ACMSD: variants seen among roughly 807,000 people sequenced by gnomAD.
The protein encoded by ACMSD is 2-amino-3-carboxymuconate-6-semialdehyde decarboxylase.
In ACMSD, 37 loss-of-function variants were observed where a neutral mutation model predicts 45.9. The observed-to-expected ratio is 0.81, with a 90% confidence interval of 0.62 to 1.06. ACMSD has a LOEUF of 1.06. ACMSD is among the 50% of genes least tolerant of loss of function. ACMSD has a pLI of 0.00. For synonymous variants in ACMSD, 138 were observed against 148.8 expected (o/e 0.93, Z 0.53); for missense variants, 434 against 420.9 (o/e 1.03, Z -0.27).
chr2:134,846,398 G>T (rs1366113681), intron 2 of ACMSD, among the ~76,000 whole-genome samples: 1 of 152,014 alleles, frequency 6.6e-6, no homozygotes, highest in Non-Finnish European at 1.5e-5. Context: ...ACTGTCAAGG[G>T]TTTTTTAATT....
At position 134,863,581 on chromosome 2, in the gene ACMSD, C is replaced by G. The variant is rs763318576; in HGVS notation, c.436C>G (p.His146Asp). 8 of 1,614,164 alleles carry G rather than the reference C, an allele frequency of 5.0e-6. No individual in the cohort carries two copies. In the South Asian group the frequency reaches 8.8e-5, roughly 18 times the overall value. Reference protein sequence around the residue: ...LGFPGVQIGTHVNEWDLNAQE... With the variant: ...LGFPGVQIGTDVNEWDLNAQE... The stretch of plus-strand genomic sequence containing the variant: ...CTTTCCCGGGGTCCAAATTGGCACC[C>G]ACGTCAACGAGTGGGACCTGAACGC... Residue 146 changes from histidine (H) to aspartate (D), a missense_variant, in exon 5 of 10, where the codon CAC (histidine) becomes GAC (aspartate). Physicochemically the swap from His to Asp is moderately conservative, Grantham distance 81. Transcript: ENST00000356140.
chr2:134,870,589 G>A (rs527882572), intron 6 of ACMSD, among the ~76,000 whole-genome samples: 2 of 152,302 alleles, frequency 1.3e-5, no homozygotes, highest in East Asian at 3.9e-4. Context: ...CAGATGAAAT[G>A]TGGGCTCAGA....
chr2:134,850,473 G>A (rs904164688), intron 2 of ACMSD, among the ~76,000 whole-genome samples: 11 of 151,930 alleles, frequency 7.2e-5, no homozygotes, highest in African/African-American at 1.7e-4. Context: ...TCACCATGTC[G>A]GTCAGGCTGG....
chr2:134,858,456 G>GC, intron 2 of ACMSD, among the ~76,000 whole-genome samples: 1 of 152,052 alleles, frequency 6.6e-6, no homozygotes, highest in South Asian at 2.1e-4. Flanking sequence ...ACAATATGGT[G>GC]ACTATAGTTA....
At position 134,867,611 on chromosome 2, in the gene ACMSD, G is replaced by T. The variant is rs781162614; in HGVS notation, c.519G>T (p.Val173=). 6.2e-7 allele frequency: 1 copy of T among 1,613,858 alleles called. No homozygotes were observed. The highest frequency in any genetic ancestry group is 1.1e-5 in the South Asian group (1 of 91,014). Residue 173 remains valine, a synonymous_variant, in exon 6 of 10, where the codon GTG becomes GTT. Coordinates refer to ENST00000356140, the MANE Select transcript of ACMSD (RefSeq NM_138326.3). ...AAERLKCSLF[V]HPWDMQMDGR... ...AAAGGCTGAAGTGTTCCCTGTTCGT[G>T]CATCCCTGGGACATGCAGATGGATG...
rs757238991 is a variant in ACMSD at position 134,863,433 on chromosome 2, AAAC to A, written c.292_294del (p.Asn98del). The A allele has an allele frequency of 5.0e-6, 8 of 1,614,226 alleles. No individual in the cohort carries two copies. In the African/African-American group the frequency reaches 5.3e-5, roughly 11 times the overall value. ...ACACTTTAAACCTGTGCCAGCTTTT[AAAC>A]AACGACCTTGCCAGCACCGTTGTGA... On this transcript the variant is annotated inframe_deletion, in exon 5 of 10. Transcript: ENST00000356140.
At chr2:134,880,247 TCTC>T (rs1463789775) in intron 8 of ACMSD, among the ~76,000 whole-genome samples, 1 of 152,128 alleles carries the variant, frequency 6.6e-6, no homozygotes, top group African/African-American at 2.4e-5. Flanking sequence ...GCTTCTCTCT[TCTC>T]CTTACCACAA....
At chr2:134,878,271 G>T (rs913334323) in intron 8 of ACMSD, among the ~76,000 whole-genome samples, 1 of 152,148 alleles carries the variant, frequency 6.6e-6, no homozygotes, top group African/African-American at 2.4e-5. Context: ...GGCACATATT[G>T]GTAGTTCCTT....
At chr2:134,845,510 TCTC>T (rs1407802937) in intron 2 of ACMSD, among the ~76,000 whole-genome samples, 1 of 33,082 alleles carries the variant, frequency 3.0e-5, no homozygotes, top group Non-Finnish European at 4.1e-5. Context: ...CATTAAAAGG[TCTC>T]TCTCTCTCTC....
chr2:134,867,878 TC>T (rs1456470340), intron 6 of ACMSD: 6 of 359,386 alleles, frequency 1.7e-5, no homozygotes, highest in Non-Finnish European at 2.5e-5. Context: ...TCCAATACCA[TC>T]ATAAATAAAT....
intron 2 of ACMSD, among the ~76,000 whole-genome samples, chr2:134,850,765 A>G (rs1435131046): frequency 6.6e-6 from 1 of 152,188 alleles, no homozygotes; most frequent in Non-Finnish European, 1.5e-5. Context: ...CCTGTTCTCA[A>G]AAGTTCTTCC....
chr2:134,901,856 A>G lies in ACMSD; in HGVS notation c.1007A>G (p.Glu336Gly), dbSNP rs775979402. 1.2e-6 allele frequency: 2 copies of G among 1,600,010 alleles called. No homozygotes were observed. Among genetic ancestry groups the G allele is most frequent in the Non-Finnish European group, 1.7e-6 (2 of 1,170,448 alleles). Residue 336 changes from glutamate (E) to glycine (G), a missense_variant, in exon 10 of 10, where the codon GAA (glutamate) becomes GGA (glycine). Physicochemically the swap from Glu to Gly is moderately conservative, Grantham distance 98 (BLOSUM62 -2). Transcript: ENST00000356140. ...TTGGGTCTTGAGAGAAAACAATTTG[A>G]ATGACTGAATTTACTACAAAGGCAA... ...AFLGLERKQFE is the reference protein window; with the variant it reads ...AFLGLERKQFG
At chr2:134,864,095 C>T (rs1013375054) in intron 5 of ACMSD, among the ~76,000 whole-genome samples, 1 of 151,724 alleles carries the variant, frequency 6.6e-6, no homozygotes, top group East Asian at 1.9e-4. Flanking sequence ...ATAGCAAAAC[C>T]CCATCTCTAC....
intron 8 of ACMSD, among the ~76,000 whole-genome samples, chr2:134,890,784 G>A (rs1422804685): frequency 5.9e-5 from 9 of 151,878 alleles, no homozygotes; most frequent in Non-Finnish European, 1.2e-4. Flanking sequence ...TTAAATCTGG[G>A]TGAAGATTAC....
Position 134,901,906 on chromosome 2 carries a change from T to G in ACMSD, c.*46T>G, listed in dbSNP as rs2104983178. ...AACTTTCAAAAGGATATCTCATTTT[T>G]GTTTCTAAATATGTATCAACAGGTA... On this transcript the variant is annotated 3_prime_UTR_variant, in exon 10 of 10. Transcript: ENST00000356140. 1.4e-6 allele frequency: 2 copies of G among 1,480,492 alleles called. No homozygotes were observed. The highest frequency in any genetic ancestry group is 4.6e-5 in the East Asian group (2 of 43,440). 91.7% of individuals were successfully genotyped at this position (1,480,492 alleles called of 1,614,324 possible).
chr2:134,857,792 A>G (rs1687652095), intron 2 of ACMSD: 1 of 150,602 alleles, frequency 6.6e-6, no homozygotes, highest in Non-Finnish European at 1.5e-5. Context: ...CATCATTTTC[A>G]CCATCAAGTA....
At position 134,852,458 on chromosome 2, in the gene ACMSD, G is replaced by T. The variant is rs139518153; in HGVS notation, c.103-6803G>T. The stretch of plus-strand genomic sequence containing the variant: ...CATCGTAGGCAATATTCTGGATAGA[G>T]AATCAATGGTATTAGGAAGTGAATT... On this transcript the variant is annotated intron_variant, in intron 2 of 9. Coordinates refer to ENST00000356140, the MANE Select transcript of ACMSD (RefSeq NM_138326.3). Among the ~76,000 whole-genome samples the T allele has an allele frequency of 1.2e-3, 189 of 152,302 alleles. 5 individuals carry two copies. In the Middle Eastern group the frequency reaches 0.037, roughly 30 times the overall value.
intron 8 of ACMSD, among the ~76,000 whole-genome samples, chr2:134,875,744 G>A (rs1022751227): frequency 5.3e-5 from 8 of 152,254 alleles, no homozygotes; most frequent in Admixed American, 2.6e-4. Flanking sequence ...TCGGTCATAC[G>A]CTCATTATGA....
At position 134,863,477 on chromosome 2, in the gene ACMSD, T is replaced by C. The variant is rs2104857736; in HGVS notation, c.332T>C (p.Phe111Ser). 1.2e-6 allele frequency: 2 copies of C among 1,614,218 alleles called. No individual in the cohort carries two copies. The highest frequency in any genetic ancestry group is 2.2e-5 in the South Asian group (2 of 91,086). Residue 111 changes from phenylalanine (F) to serine (S), a missense_variant, in exon 5 of 10, where the codon TTC becomes TCC. Coordinates refer to ENST00000356140, the MANE Select transcript of ACMSD (RefSeq NM_138326.3). Reference sequence around the variant, plus strand: ...ACCGTTGTGAGCTACCCCAGGAGGTTCGTGGGTCTGGGGACGTTGCCCATG... The same window carrying C: ...ACCGTTGTGAGCTACCCCAGGAGGTCCGTGGGTCTGGGGACGTTGCCCATG... ...ASTVVSYPRR[F>S]VGLGTLPMQA...
Sources: allele counts gnomAD v4.1 joint callset (sites outside exome capture counted in the v4.1 genomes callset), GRCh38; gene constraint gnomAD v4.1.1; transcripts MANE v1.5; gene names NCBI Gene and HGNC (gene_info 2026-07-23, HGNC 2026-07-21).